The following GRM1 variants were observed in gnomAD, a reference collection of about 807,000 sequenced individuals.
The protein encoded by GRM1 is glutamate metabotropic receptor 1, also known as metabotropic glutamate receptor 1.
In GRM1, 33 loss-of-function variants were observed where a neutral mutation model predicts 90.9. The ratio of observed to expected loss-of-function variants is 0.36; its 90% CI spans 0.28 to 0.49. GRM1 has a LOEUF of 0.49. GRM1 is among the 20% of genes least tolerant of loss of function. The probability of loss-of-function intolerance (pLI) is 0.99; values close to 1 mark genes in which losing one functional copy is unlikely to be tolerated. For synonymous variants in GRM1, 700 were observed against 613.2 expected (o/e 1.14, Z -2.09); for missense variants, 1,190 against 1,534.3 (o/e 0.78, Z 3.75).
At position 146,435,575 on chromosome 6, in the gene GRM1, A is replaced by G. The variant is rs1176138199; in HGVS notation, c.*779A>G. On this transcript the variant is annotated 3_prime_UTR_variant, in exon 8 of 8. Transcript: ENST00000282753. The stretch of plus-strand genomic sequence containing the variant: ...AAAAGTGCTTCATCAGGCGTGCTAC[A>G]GGAGGAAGGAGCTAGAAATAGAACA... The G allele has an allele frequency of 6.5e-6, 1 of 152,790 alleles. No homozygotes were observed. Among genetic ancestry groups the G allele is most frequent in the South Asian group, 2.1e-4 (1 of 4,832 alleles). 9.5% of individuals were successfully genotyped at this position (152,790 alleles called of 1,614,324 possible).
chr6:146,234,039 C>A (rs1301419381), intron 2 of GRM1, among the ~76,000 whole-genome samples: 1 of 151,912 alleles, frequency 6.6e-6, no homozygotes, highest in Non-Finnish European at 1.5e-5. Flanking sequence ...ATCCCTTTAT[C>A]ATTATGTAAT....
intron 3 of GRM1, among the ~76,000 whole-genome samples, chr6:146,350,134 C>T (rs2115036912): frequency 6.6e-6 from 1 of 152,332 alleles, no homozygotes; most frequent in African/African-American, 2.4e-5. Flanking sequence ...CAGTTCCTGT[C>T]TCAGTGCTGA....
chr6:146,230,642 A>G (rs1046449986), intron 2 of GRM1, among the ~76,000 whole-genome samples: 1 of 152,112 alleles, frequency 6.6e-6, no homozygotes, highest in Non-Finnish European at 1.5e-5. Context: ...TTACCGTGCA[A>G]TCTAGCAGTC....
chr6:146,324,057 A>G (rs971746899), intron 3 of GRM1, among the ~76,000 whole-genome samples: 3 of 152,132 alleles, frequency 2.0e-5, no homozygotes, highest in African/African-American at 2.4e-5. Flanking sequence ...TTGGCTTAGG[A>G]TTGACTTGGC....
chr6:146,379,926 G>GTC (rs1310142307), intron 5 of GRM1, among the ~76,000 whole-genome samples: 36 of 122,662 alleles, frequency 2.9e-4, no homozygotes, highest in African/African-American at 1.0e-3. Flanking sequence ...AACATACAGA[G>GTC]TCTGTCTCTC....
At chr6:146,196,996 T>C (rs909015527) in intron 2 of GRM1, among the ~76,000 whole-genome samples, 2 of 152,216 alleles carry the variant, frequency 1.3e-5, no homozygotes, top group African/African-American at 4.8e-5. Flanking sequence ...AAATTGGACC[T>C]ACACCCATAA....
chr6:146,390,840 T>C (rs929400640), intron 6 of GRM1, among the ~76,000 whole-genome samples: 3 of 152,030 alleles, frequency 2.0e-5, no homozygotes, highest in African/African-American at 7.2e-5. Flanking sequence ...AGTCCTACAA[T>C]AGAGTTATGG....
intron 2 of GRM1, among the ~76,000 whole-genome samples, chr6:146,242,767 G>A (rs1054754451): frequency 1.3e-5 from 2 of 151,982 alleles, no homozygotes; most frequent in African/African-American, 4.8e-5. Context: ...CTATCTGAAG[G>A]CCTAGAATAT....
At chr6:146,348,313 A>G (rs1000963120) in intron 3 of GRM1, among the ~76,000 whole-genome samples, 1 of 152,242 alleles carries the variant, frequency 6.6e-6, no homozygotes, top group Non-Finnish European at 1.5e-5. Flanking sequence ...TGTTTGTTCA[A>G]TAATAGATCC....
intron 3 of GRM1, among the ~76,000 whole-genome samples, chr6:146,323,783 G>A (rs977641554): frequency 2.6e-5 from 4 of 152,118 alleles, no homozygotes; most frequent in Admixed American, 2.6e-4. Context: ...GTGTAAGGAA[G>A]GGATCCAGTT....
rs1429369196 is a variant in GRM1, at chr6:146,352,366, C to T, written c.1303C>T (p.His435Tyr). 1 of 1,614,146 alleles carries T rather than the reference C, an allele frequency of 6.2e-7. No individual in the cohort carries two copies. The highest frequency in any genetic ancestry group is 2.2e-5 in the East Asian group (1 of 44,872). Reference sequence around the variant, plus strand: ...CATGCACCATGCCCTCTGCCCTGGCCACGTGGGCCTCTGCGATGCCATGAA... The same window carrying T: ...CATGCACCATGCCCTCTGCCCTGGCTACGTGGGCCTCTGCGATGCCATGAA... ...QNMHHALCPG[H>Y]VGLCDAMKPI... is the part of the protein sequence containing the mutation. The change falls in exon 4 of 8, where the codon CAC becomes TAC. Residue 435 changes from histidine (H) to tyrosine (Y), a missense_variant. By Grantham distance (83) the His-to-Tyr change is moderately conservative. Coordinates refer to ENST00000282753, the MANE Select transcript of GRM1 (RefSeq NM_001278064.2).
At chr6:146,341,916 C>T (rs1784995557) in intron 3 of GRM1, among the ~76,000 whole-genome samples, 1 of 152,170 alleles carries the variant, frequency 6.6e-6, no homozygotes, top group Non-Finnish European at 1.5e-5. Context: ...ATATTAACAA[C>T]CATGACTGTA....
At chr6:146,193,922 A>T (rs569117011) in intron 2 of GRM1, among the ~76,000 whole-genome samples, 12 of 151,242 alleles carry the variant, frequency 7.9e-5, no homozygotes, top group African/African-American at 2.0e-4. Flanking sequence ...GGACATGGAC[A>T]TTCTTCATTT....
Position 146,434,493 on chromosome 6 carries a change from G to A in GRM1, c.3282G>A (p.Ala1094=). The A allele has an allele frequency of 1.9e-6, 3 of 1,614,002 alleles. No homozygotes were observed. In the South Asian group the frequency reaches 3.3e-5, roughly 18 times the overall value. ...GGGAGGAGCTGGTCTCCCCGCCCGC[G>A]GACGACGACGACGACAGCGAGAGGT... The part of the protein sequence containing the change: ...TFGEELVSPP[A]DDDDDSERFK... Residue 1094 remains alanine, a synonymous_variant, in exon 8 of 8, where the codon GCG becomes GCA. Coordinates refer to ENST00000282753, the MANE Select transcript of GRM1 (RefSeq NM_001278064.2).
At chr6:146,358,117 C>G (rs1785658990) in intron 5 of GRM1, among the ~76,000 whole-genome samples, 1 of 152,200 alleles carries the variant, frequency 6.6e-6, no homozygotes. Context: ...AATAGGGTAA[C>G]ACAGACTGCT....
intron 2 of GRM1, among the ~76,000 whole-genome samples, chr6:146,218,113 G>C (rs1000268893): frequency 2.6e-5 from 4 of 152,058 alleles, no homozygotes; most frequent in Middle Eastern, 6.8e-3. Flanking sequence ...TGTGTGTGGA[G>C]AGCGATCACT....
At chr6:146,394,253 A>C (rs1398301864) in intron 6 of GRM1, among the ~76,000 whole-genome samples, 3 of 152,150 alleles carry the variant, frequency 2.0e-5, no homozygotes, top group African/African-American at 7.2e-5. Flanking sequence ...ACAGTAGCTT[A>C]ATATAACTAA....
chr6:146,406,984 A>T (rs941915000), intron 7 of GRM1, among the ~76,000 whole-genome samples: 34 of 152,056 alleles, frequency 2.2e-4, no homozygotes, highest in African/African-American at 7.7e-4. Context: ...AAATCCTTAG[A>T]CCCATCCCTG....
intron 2 of GRM1, among the ~76,000 whole-genome samples, chr6:146,218,335 T>G (rs565903652): frequency 1.4e-4 from 21 of 152,312 alleles, no homozygotes; most frequent in African/African-American, 4.6e-4. Flanking sequence ...TCCTAGATAA[T>G]TACAGACATG....
Sources: gnomAD v4.1 joint callset for allele counts (sites outside exome capture counted in the v4.1 genomes callset) on GRCh38, gnomAD v4.1.1 for gene constraint, MANE v1.5 for transcripts, NCBI Gene and HGNC (gene_info 2026-07-23, HGNC 2026-07-21) for gene names.